FSTL5: variants seen among roughly 807,000 people sequenced by gnomAD.
The protein encoded by FSTL5 is follistatin like 5, also known as follistatin-related protein 5.
A neutral mutation model predicts 89.1 loss-of-function variants in FSTL5; 62 were observed. That is an observed-to-expected ratio of 0.70 (90% CI 0.57 to 0.86). FSTL5 has a LOEUF of 0.86. FSTL5 is among the 40% of genes least tolerant of loss of function. FSTL5 has a pLI of 0.00. For synonymous variants in FSTL5, 383 were observed against 346.2 expected (o/e 1.11, Z -1.18); for missense variants, 1,057 against 1,001.6 (o/e 1.06, Z -0.75).
chr4:161,585,147 C>T (rs1166381461), intron 8 of FSTL5, among the ~76,000 whole-genome samples: 2 of 152,122 alleles, frequency 1.3e-5, no homozygotes, highest in South Asian at 2.1e-4. Context: ...CTTTCACCAG[C>T]GCTGCTCAAT....
intron 5 of FSTL5, among the ~76,000 whole-genome samples, chr4:161,766,992 T>C (rs1388971413): frequency 6.6e-6 from 1 of 152,168 alleles, no homozygotes. Context: ...TTCGGTTACA[T>C]GACTCTCCTA....
chr4:161,572,318 TAAAAAAAA>T (rs755306574), intron 8 of FSTL5, among the ~76,000 whole-genome samples: 13 of 64,052 alleles, frequency 2.0e-4, no homozygotes, highest in Middle Eastern at 0.011. Flanking sequence ...AGACTCCGTC[TAAAAAAAA>T]AAAAAAAAAA....
At chr4:161,555,963 C>T (rs952835793) in intron 8 of FSTL5, among the ~76,000 whole-genome samples, 3 of 151,644 alleles carry the variant, frequency 2.0e-5, no homozygotes, top group Middle Eastern at 3.4e-3. Flanking sequence ...TGTTTCAACA[C>T]GCAAGAAAAC....
chr4:161,424,345 A>G (rs1732098016), intron 15 of FSTL5, among the ~76,000 whole-genome samples: 3 of 150,634 alleles, frequency 2.0e-5, no homozygotes, highest in African/African-American at 7.3e-5. Flanking sequence ...TAAAATAATC[A>G]TTTACTGTTT....
chr4:161,865,981 G>T lies in FSTL5; in HGVS notation c.409+54423C>A, dbSNP rs975742269. Among the ~76,000 whole-genome samples, 3 of 152,134 alleles carry T rather than the reference G, an allele frequency of 2.0e-5. No homozygotes were observed. The East Asian group carries it at 5.8e-4, about 29-fold the overall frequency. ...CAGAAAATATCGTAGTTAGAAAAGA[G>T]GGGGCAGAACTGCTCACTGGTGTGA... is the stretch of plus-strand genomic sequence containing the variant. On this transcript the variant is annotated intron_variant, in intron 4 of 15. Coordinates refer to ENST00000306100, the MANE Select transcript of FSTL5 (RefSeq NM_020116.5).
chr4:161,745,161 T>G (rs1214801160), intron 6 of FSTL5, among the ~76,000 whole-genome samples: 1 of 152,102 alleles, frequency 6.6e-6, no homozygotes, highest in Non-Finnish European at 1.5e-5. Flanking sequence ...TAAGTCCCAC[T>G]ATCTCCATAA....
At chr4:161,767,423 A>G (rs960488466) in intron 5 of FSTL5, among the ~76,000 whole-genome samples, 1 of 152,094 alleles carries the variant, frequency 6.6e-6, no homozygotes, top group Admixed American at 6.6e-5. Flanking sequence ...CTTTTCAGGG[A>G]TTTATTCTCT....
At chr4:162,026,990 GAA>G (rs1737320028) in intron 3 of FSTL5, among the ~76,000 whole-genome samples, 2 of 152,108 alleles carry the variant, frequency 1.3e-5, no homozygotes, top group South Asian at 4.1e-4. Flanking sequence ...GTAACCTTTT[GAA>G]AACTAGAGGA....
chr4:162,034,286 C>T (rs1174991372), intron 2 of FSTL5, among the ~76,000 whole-genome samples: 1 of 152,006 alleles, frequency 6.6e-6, no homozygotes, highest in Admixed American at 6.6e-5. Flanking sequence ...TAAATAATGC[C>T]TTCAGAATTT....
At chr4:161,432,084 C>T (rs1423516775) in intron 15 of FSTL5, among the ~76,000 whole-genome samples, 1 of 152,072 alleles carries the variant, frequency 6.6e-6, no homozygotes, top group Non-Finnish European at 1.5e-5. Flanking sequence ...ATACACTGGC[C>T]TTATCTGTAA....
chr4:161,611,260 A>G (rs1486091346), intron 7 of FSTL5, among the ~76,000 whole-genome samples: 2 of 117,054 alleles, frequency 1.7e-5, no homozygotes, highest in East Asian at 4.6e-4. Flanking sequence ...ATATATATAT[A>G]TATATATGTA....
intron 4 of FSTL5, among the ~76,000 whole-genome samples, chr4:161,876,821 C>T (rs540340887): frequency 2.6e-5 from 4 of 151,972 alleles, no homozygotes; most frequent in East Asian, 3.9e-4. Context: ...TTATATATTA[C>T]TACAGAAAGT....
At chr4:161,400,750 T>C (rs923723824) in intron 15 of FSTL5, among the ~76,000 whole-genome samples, 7 of 152,138 alleles carry the variant, frequency 4.6e-5, no homozygotes, top group Non-Finnish European at 7.4e-5. Flanking sequence ...ACTAAATGTT[T>C]GCCAGGATAA....
At chr4:162,056,056 A>G (rs1186807553) in intron 2 of FSTL5, among the ~76,000 whole-genome samples, 4 of 151,952 alleles carry the variant, frequency 2.6e-5, no homozygotes, top group African/African-American at 9.7e-5. Context: ...ACAAATACTA[A>G]AAATGAAACC....
intron 15 of FSTL5, among the ~76,000 whole-genome samples, chr4:161,415,929 G>A (rs1053734002): frequency 7.9e-5 from 12 of 151,334 alleles, no homozygotes; most frequent in African/African-American, 1.5e-4. Flanking sequence ...GATAGCCTGC[G>A]CAGATCATTT....
intron 1 of FSTL5, among the ~76,000 whole-genome samples, chr4:162,133,660 A>G (rs1043148716): frequency 6.6e-6 from 1 of 152,146 alleles, no homozygotes; most frequent in Admixed American, 6.5e-5. Context: ...GACTCTTGAT[A>G]TATATTTAAT....
intron 4 of FSTL5, among the ~76,000 whole-genome samples, chr4:161,897,738 C>T (rs998922879): frequency 6.6e-6 from 1 of 151,962 alleles, no homozygotes; most frequent in African/African-American, 2.4e-5. Flanking sequence ...TAACTAAAGT[C>T]TGTAGTTTAT....
intron 6 of FSTL5, among the ~76,000 whole-genome samples, chr4:161,736,506 C>T (rs79134704): frequency 0.022 from 3,389 of 152,100 alleles, 65 homozygotes; most frequent in East Asian, 0.053. Context: ...CCTTTCTAAA[C>T]CTTGTAAATG....
chr4:162,148,559 AGAT>A (rs1161953837), intron 1 of FSTL5, among the ~76,000 whole-genome samples: 2 of 152,278 alleles, frequency 1.3e-5, no homozygotes. Context: ...GAAGTTTTAA[AGAT>A]GATGTATATA....
Sources: allele counts gnomAD v4.1 joint callset (sites outside exome capture counted in the v4.1 genomes callset), GRCh38; gene constraint gnomAD v4.1.1; transcripts MANE v1.5; gene names NCBI Gene and HGNC (gene_info 2026-07-23, HGNC 2026-07-21).